Variants in CCNY observed in about 807,000 individuals in gnomAD.
The protein encoded by CCNY is cyclin-Y.
CCNY carries 19 observed loss-of-function variants against 42.8 expected under a neutral mutation model. The observed-to-expected ratio is 0.44, with a 90% CI of 0.31 to 0.65. The LOEUF is 0.65. Ranked by LOEUF, CCNY falls within the 30% of genes least tolerant of loss-of-function variation. The pLI, the probability that CCNY is intolerant of heterozygous loss-of-function variation, is 0.07. For synonymous variants in CCNY, 165 were observed against 162.7 expected (o/e 1.01, Z -0.11); for missense variants, 370 against 437.3 (o/e 0.85, Z 1.37).
chr10:35,254,617 A>T (rs1003140348), intron 3 of CCNY, among the ~76,000 whole-genome samples: 1 of 152,026 alleles, frequency 6.6e-6, no homozygotes, highest in South Asian at 2.1e-4. Flanking sequence ...GCTTGAGCCC[A>T]GGAGTTCAAG....
At chr10:35,520,704 T>TA (rs1055777362) in intron 4 of CCNY, among the ~76,000 whole-genome samples, 11 of 152,218 alleles carry the variant, frequency 7.2e-5, no homozygotes, top group Non-Finnish European at 1.3e-4. Flanking sequence ...AGAAAAGCTA[T>TA]AAAAAAGTTG....
chr10:35,336,179 C>G (rs1444212280), upstream of CCNY: 3 of 152,200 alleles, frequency 2.0e-5, no homozygotes, highest in Admixed American at 6.5e-5. Context: ...CCGACCGGGC[C>G]CTGGCTGCGC....
chr10:35,279,883 C>T (rs549664059), intron 3 of CCNY, among the ~76,000 whole-genome samples: 2 of 152,298 alleles, frequency 1.3e-5, no homozygotes, highest in Admixed American at 1.3e-4. Flanking sequence ...AACTCCTAAC[C>T]CCCTGTTATG....
At chr10:35,465,513 A>G (rs1839240738) in intron 1 of CCNY, among the ~76,000 whole-genome samples, 1 of 152,166 alleles carries the variant, frequency 6.6e-6, no homozygotes, top group Non-Finnish European at 1.5e-5. Context: ...AGATGTCATC[A>G]GTGGTTTGTC....
intron 2 of CCNY, among the ~76,000 whole-genome samples, chr10:35,485,340 G>C (rs1432951964): frequency 7.2e-5 from 11 of 152,264 alleles, no homozygotes; most frequent in Admixed American, 2.0e-4. Context: ...AAACTTTTTG[G>C]CCTTCTGTTT....
chr10:35,309,394 G>A (rs563423806), intron 3 of CCNY, among the ~76,000 whole-genome samples: 1 of 152,296 alleles, frequency 6.6e-6, no homozygotes, highest in African/African-American at 2.4e-5. Flanking sequence ...GAGGCTTGTG[G>A]ATGACAGGTG....
At chr10:35,546,202 G>T (rs1841113035) in intron 7 of CCNY, among the ~76,000 whole-genome samples, 1 of 152,196 alleles carries the variant, frequency 6.6e-6, no homozygotes, top group Non-Finnish European at 1.5e-5. Flanking sequence ...ATTATATCTG[G>T]TACAGATTCA....
intron 1 of CCNY, among the ~76,000 whole-genome samples, chr10:35,387,020 A>G (rs954163985): frequency 5.3e-5 from 8 of 152,150 alleles, no homozygotes; most frequent in Non-Finnish European, 5.9e-5. Context: ...AAACATAGCT[A>G]GTACCATTTT....
intron 3 of CCNY, among the ~76,000 whole-genome samples, chr10:35,270,301 C>T (rs1835147912): frequency 6.6e-6 from 1 of 152,108 alleles, no homozygotes; most frequent in South Asian, 2.1e-4. Flanking sequence ...GGGTGCTCCT[C>T]TTAATAGTGT....
chr10:35,556,653 A>G lies in CCNY; in HGVS notation c.746+3468A>G, dbSNP rs555752773. 3.9e-5 allele frequency among the ~76,000 whole-genome samples: 6 copies of G among 152,242 alleles called. No homozygotes were observed. The South Asian group carries it at 8.3e-4, about 21-fold the overall frequency. On this transcript the variant is annotated intron_variant, in intron 8 of 9. Coordinates refer to ENST00000374704, the MANE Select transcript of CCNY (RefSeq NM_145012.6). Reference sequence around the variant, plus strand: ...ATGGAGCTTCCTTCTGATAGGGGTAATAGCTGAAAGGATGCTCTGAACCAC... The same window carrying G: ...ATGGAGCTTCCTTCTGATAGGGGTAGTAGCTGAAAGGATGCTCTGAACCAC...
intron 1 of CCNY, among the ~76,000 whole-genome samples, chr10:35,458,859 T>C (rs1479308315): frequency 6.6e-6 from 1 of 152,236 alleles, no homozygotes; most frequent in Non-Finnish European, 1.5e-5. Flanking sequence ...TTCAGGCTCC[T>C]CTTTGCATTC....
chr10:35,533,572 G>A (rs1564448939), intron 7 of CCNY, among the ~76,000 whole-genome samples: 1 of 152,200 alleles, frequency 6.6e-6, no homozygotes, highest in East Asian at 1.9e-4. Flanking sequence ...TTTGAGATGC[G>A]TCCTGCCCTC....
At chr10:35,261,672 T>A (rs2095719782) in intron 3 of CCNY, among the ~76,000 whole-genome samples, 1 of 152,134 alleles carries the variant, frequency 6.6e-6, no homozygotes, top group South Asian at 2.1e-4. Context: ...GCTGTTGTAT[T>A]CCAGCTTGGG....
intron 1 of CCNY, among the ~76,000 whole-genome samples, chr10:35,473,547 G>T (rs1398424455): frequency 3.9e-5 from 6 of 152,154 alleles, no homozygotes; most frequent in Non-Finnish European, 8.8e-5. Flanking sequence ...TTTGTGAGGG[G>T]TGAGGGATAT....
chr10:35,436,009 G>A (rs1838524668), intron 1 of CCNY, among the ~76,000 whole-genome samples: 1 of 152,180 alleles, frequency 6.6e-6, no homozygotes, highest in African/African-American at 2.4e-5. Context: ...GGTTATGAAA[G>A]AGGGATGAAA....
chr10:35,499,801 C>T (rs1402050536), intron 2 of CCNY, among the ~76,000 whole-genome samples: 1 of 152,070 alleles, frequency 6.6e-6, no homozygotes, highest in Non-Finnish European at 1.5e-5. Context: ...AGTTCTGTGG[C>T]CCATGTAGAA....
chr10:35,471,614 A>T (rs1276663184), intron 1 of CCNY, among the ~76,000 whole-genome samples: 1 of 152,222 alleles, frequency 6.6e-6, no homozygotes, highest in East Asian at 1.9e-4. Flanking sequence ...GTTTTGAATA[A>T]AGGCATTGTA....
intron 1 of CCNY, among the ~76,000 whole-genome samples, chr10:35,466,232 C>T (rs1159049501): frequency 6.6e-6 from 1 of 151,876 alleles, no homozygotes; most frequent in African/African-American, 2.4e-5. Context: ...CGGAAGTGAG[C>T]CTAGGAGGGT....
At position 35,373,552 on chromosome 10, in the gene CCNY, G is replaced by A. The variant is rs189380688; in HGVS notation, c.154+36345G>A. ...TTATAACTGGGTCCACTTATACATG[G>A]ATTTTCTTATGCCTCTGCTCCCCTG... On this transcript the variant is annotated intron_variant, in intron 1 of 9. Transcript: ENST00000374704. Among the ~76,000 whole-genome samples the A allele has an allele frequency of 2.9e-3, 449 of 152,260 alleles. 1 individual carries two copies. The highest frequency in any genetic ancestry group is 6.8e-3 in the Middle Eastern group (2 of 294).
Sources: allele counts gnomAD v4.1 joint callset (sites outside exome capture counted in the v4.1 genomes callset), GRCh38; gene constraint gnomAD v4.1.1; transcripts MANE v1.5; gene names NCBI Gene and HGNC (gene_info 2026-07-23, HGNC 2026-07-21).